The following SAG variants were observed in gnomAD, a reference collection of about 807,000 sequenced individuals.
The protein encoded by SAG is S-arrestin.
A neutral mutation model predicts 55.0 loss-of-function variants in SAG; 45 were observed. The observed-to-expected ratio is 0.82, with a 90% CI of 0.64 to 1.05. The LOEUF (loss-of-function observed/expected upper bound fraction) is 1.05. Ranked by LOEUF, SAG falls within the 50% of genes least tolerant of loss-of-function variation. SAG has a pLI of 0.00. For synonymous variants in SAG, 189 were observed against 197.4 expected (o/e 0.96, Z 0.36); for missense variants, 455 against 512.1 (o/e 0.89, Z 1.08).
At chr2:233,339,539 T>TG (rs1559453168) in intron 12 of SAG, among the ~76,000 whole-genome samples, 1 of 59,330 alleles carries the variant, frequency 1.7e-5, no homozygotes, top group African/African-American at 3.6e-5. Flanking sequence ...AGCATAGTGT[T>TG]TTTTTTTTTT....
intron 11 of SAG, among the ~76,000 whole-genome samples, chr2:233,337,959 A>G (rs184270737): frequency 8.5e-5 from 13 of 152,386 alleles, no homozygotes; most frequent in African/African-American, 2.9e-4. Context: ...ATCTGGAATG[A>G]CATTTCTGTC....
intron 11 of SAG, among the ~76,000 whole-genome samples, chr2:233,338,301 G>A (rs1411576542): frequency 6.6e-6 from 1 of 152,246 alleles, no homozygotes. Context: ...ATGAGTTACT[G>A]AGATAATCCA....
At chr2:233,323,413 G>C (rs1012615009) in intron 6 of SAG, among the ~76,000 whole-genome samples, 2 of 151,624 alleles carry the variant, frequency 1.3e-5, no homozygotes, top group African/African-American at 4.8e-5. Context: ...GCCCAGGCTG[G>C]AGTGCAATGG....
At chr2:233,346,482 C>A in intron 15 of SAG, 70 bp downstream of exon 15, 1 of 1,522,076 alleles carries the variant, frequency 6.6e-7, no homozygotes, top group Non-Finnish European at 9.1e-7. Context: ...AGCACAAAAC[C>A]CTCTTTGAGT....
chr2:233,342,484 G>C, intron 14 of SAG, 158 bp downstream of exon 14: 1 of 679,542 alleles, frequency 1.5e-6, no homozygotes, highest in Non-Finnish European at 2.6e-6. Context: ...TGGGGGGAAG[G>C]GAGGGCCCAT....
chr2:233,328,308 C>T (rs1190725943), intron 7 of SAG, 170 bp from the exon 8 acceptor site: 15 of 688,244 alleles, frequency 2.2e-5, no homozygotes, highest in East Asian at 1.7e-4. Flanking sequence ...GCTCTTCCAC[C>T]GTCAGGGCTG....
At chr2:233,337,768 T>C (rs1700984810) in intron 11 of SAG, among the ~76,000 whole-genome samples, 2 of 152,220 alleles carry the variant, frequency 1.3e-5, no homozygotes, top group Admixed American at 6.5e-5. Context: ...GGGCTTTTTT[T>C]CTATCATTAT....
chr2:233,309,239 T>G lies in SAG; in HGVS notation c.50T>G (p.Phe17Cys), dbSNP rs537102198. Residue 17 changes from phenylalanine to cysteine, a missense_variant, in exon 2 of 16, where the codon TTC becomes TGC. Transcript: ENST00000409110. The part of the protein sequence containing the change: ...TSKSEPNHVI[F>C]KKISRDKSVT... ...AAGTCCGAACCGAACCATGTTATCT[T>G]CAAGAAGATCTCCCGGGACAAATCG... 1 of 1,613,780 alleles carries G rather than the reference T, an allele frequency of 6.2e-7. No homozygotes were observed. The highest frequency in any genetic ancestry group is 2.2e-5 in the East Asian group (1 of 44,872).
At chr2:233,330,297 TC>T (rs1052194071) in intron 9 of SAG, among the ~76,000 whole-genome samples, 2 of 152,162 alleles carry the variant, frequency 1.3e-5, no homozygotes, top group Non-Finnish European at 2.9e-5. Context: ...GGGGTGACTG[TC>T]CCAGGGCCCA....
chr2:233,325,288 G>A (rs1214298676), intron 6 of SAG, among the ~76,000 whole-genome samples: 1 of 151,472 alleles, frequency 6.6e-6, no homozygotes, highest in South Asian at 2.1e-4. Flanking sequence ...CTTGGGAGGC[G>A]GAGGTTGCAG....
In SAG at chr2:233,340,613, C is replaced by A; in HGVS notation, c.1046+135C>A. Reference sequence around the variant, plus strand: ...CAGAGGTGTTAGGAATGATGCTTTGCCTTCGGATGCATCACAGAACCGTGG... The same window carrying A: ...CAGAGGTGTTAGGAATGATGCTTTGACTTCGGATGCATCACAGAACCGTGG... On this transcript the variant is annotated intron_variant, in intron 13 of 15. Transcript: ENST00000409110. The surrounding 1 kb of genome is among the most constrained non-coding windows in gnomAD (Gnocchi z 4.2). 1.4e-6 allele frequency: 1 copy of A among 701,532 alleles called. No homozygotes were observed. The highest frequency in any genetic ancestry group is 2.5e-6 in the Non-Finnish European group (1 of 396,492). The allele number at this position is 701,532 out of a possible 1,614,324, so 43.5% of individuals were successfully genotyped here.
rs1368563028 is a variant in SAG, at chr2:233,319,027, G to A, written c.181+232G>A. On this transcript the variant is annotated intron_variant, in intron 4 of 15. Coordinates refer to ENST00000409110, the MANE Select transcript of SAG (RefSeq NM_000541.5). This position sits in a 1 kb window ranked among gnomAD's most constrained non-coding sequence, Gnocchi z 4.4. ...CTCAGCAAAGTCATTGTCCAGGGTG[G>A]CAGATAAGTAGATGGTAGACGGAGC... The A allele has an allele frequency of 4.3e-6, 3 of 699,816 alleles. No individual in the cohort carries two copies. Among genetic ancestry groups the A allele is most frequent in the Non-Finnish European group, 8.0e-6 (3 of 372,970 alleles). The allele number at this position is 699,816 out of a possible 1,614,324, so 43.4% of individuals were successfully genotyped here. A position where few individuals can be genotyped will look rare whatever the true frequency, so the allele number is the denominator to read the frequency against.
rs146469891 is a variant in SAG at position 233,327,129 on chromosome 2, G to C, written c.444G>C (p.Gly148=). 62 of 1,613,846 alleles carry C rather than the reference G, an allele frequency of 3.8e-5. No individual in the cohort carries two copies. In the African/African-American group the frequency reaches 8.0e-4, roughly 21 times the overall value. ...PAPQDSGKSC[G]VDFEVKAFAT... ...CTCTCTCTCCCCAACAGTCCTGTGGGGTTGACTTTGAGGTCAAAGCATTCG... is the reference window on the plus strand; with the variant it reads ...CTCTCTCTCCCCAACAGTCCTGTGGCGTTGACTTTGAGGTCAAAGCATTCG... Residue 148 remains glycine, a synonymous_variant, in exon 7 of 16, where the codon GGG becomes GGC. Transcript: ENST00000409110.
intron 11 of SAG, 105 bp from the exon 12 acceptor site, chr2:233,338,571 G>T: frequency 1.0e-6 from 1 of 992,542 alleles, no homozygotes; most frequent in East Asian, 2.4e-5. Context: ...CCAGTCCCTG[G>T]AGAACCTCCA....
chr2:233,342,245 C>T, intron 13 of SAG, 26 bp from the exon 14 acceptor site: 4 of 1,577,946 alleles, frequency 2.5e-6, no homozygotes, highest in Non-Finnish European at 3.5e-6. Flanking sequence ...TGGGTGTTCA[C>T]ACCAATCTTC....
chr2:233,335,204 T>G, intron 11 of SAG, 105 bp downstream of exon 11: 1 of 1,416,716 alleles, frequency 7.1e-7, no homozygotes, highest in Non-Finnish European at 9.5e-7. Flanking sequence ...ACGTGCAGCA[T>G]GGTGGTCTGG....
rs1348474043 is a variant in SAG at position 233,308,035 on chromosome 2, C to T, written c.-29+13C>T. The T allele has an allele frequency of 6.6e-6, 1 of 152,504 alleles. No individual in the cohort carries two copies. The highest frequency in any genetic ancestry group is 2.4e-5 in the African/African-American group (1 of 41,468). The allele number at this position is 152,504 out of a possible 1,614,324, so 9.4% of individuals were successfully genotyped here. A position where few individuals can be genotyped will look rare whatever the true frequency, so the allele number is the denominator to read the frequency against. ...GACAAATCACAAGGTATGTGACCAC[C>T]ACAGGCCAAAACCTTATCAGAAACC... is the stretch of plus-strand genomic sequence containing the variant. On this transcript the variant is annotated intron_variant, in intron 1 of 15. Coordinates refer to ENST00000409110, the MANE Select transcript of SAG (RefSeq NM_000541.5).
At position 233,335,021 on chromosome 2, in the gene SAG, C is replaced by T. The variant is rs373460295; in HGVS notation, c.866C>T (p.Ala289Val). The change falls in exon 11 of 16, where the codon GCT (alanine) becomes GTT (valine). Residue 289 changes from alanine to valine, a missense_variant. Coordinates refer to ENST00000409110, the MANE Select transcript of SAG (RefSeq NM_000541.5). ...TKTLTLLPLL[A>V]NNRERRGIAL... Reference sequence around the variant, plus strand: ...ACGCTGACGCTGCTGCCCTTGCTGGCTAACAATCGAGAAAGGAGAGGCATT... The same window carrying T: ...ACGCTGACGCTGCTGCCCTTGCTGGTTAACAATCGAGAAAGGAGAGGCATT... The T allele has an allele frequency of 1.5e-4, 248 of 1,613,870 alleles. No homozygotes were observed. Among genetic ancestry groups the T allele is most frequent in the Non-Finnish European group, 2.0e-4 (237 of 1,179,850 alleles).
At chr2:233,334,900 G>A in intron 10 of SAG, 62 bp from the exon 11 acceptor site, 1 of 1,584,644 alleles carries the variant, frequency 6.3e-7, no homozygotes, top group Non-Finnish European at 8.6e-7. Flanking sequence ...TGTCAAATAG[G>A]GGCTCATGGG....
Sources: gnomAD v4.1 joint callset for allele counts (sites outside exome capture counted in the v4.1 genomes callset) on GRCh38, gnomAD v4.1.1 for gene constraint, Gnocchi (gnomAD v3.1) non-coding constraint, MANE v1.5 for transcripts, NCBI Gene and HGNC (gene_info 2026-07-23, HGNC 2026-07-21) for gene names.